Variants in ROBO2 observed in about 807,000 individuals in gnomAD.
The protein encoded by ROBO2 is roundabout guidance receptor 2, also known as roundabout homolog 2.
In ROBO2, 53 loss-of-function variants were observed where a neutral mutation model predicts 160.8. The ratio of observed to expected loss-of-function variants is 0.33; its 90% confidence interval spans 0.26 to 0.41. ROBO2 has a LOEUF of 0.41. ROBO2 is among the 10% of genes least tolerant of loss of function. The probability of loss-of-function intolerance (pLI) is 1.00; values close to 1 mark genes in which losing one functional copy is unlikely to be tolerated. For synonymous variants in ROBO2, 664 were observed against 611.7 expected, an observed-to-expected ratio of 1.09 and a Z score of -1.26; for missense variants, 1,577 against 1,722.4, an observed-to-expected ratio of 0.92 and a Z score of 1.49.
chr3:76,188,138 A>T (rs1411114237), intron 2 of ROBO2, among the ~76,000 whole-genome samples: 1 of 151,606 alleles, frequency 6.6e-6, no homozygotes, highest in Non-Finnish European at 1.5e-5. Flanking sequence ...TTTAGTTGTC[A>T]CATTCTCAGT....
intron 2 of ROBO2, among the ~76,000 whole-genome samples, chr3:77,227,947 AC>A (rs2086685384): frequency 6.6e-6 from 1 of 152,228 alleles, no homozygotes; most frequent in African/African-American, 2.4e-5. Context: ...AAAATTATAC[AC>A]AAATATTGCA....
intron 2 of ROBO2, among the ~76,000 whole-genome samples, chr3:77,164,903 C>G (rs865973752): frequency 2.2e-5 from 2 of 90,898 alleles, no homozygotes; most frequent in Non-Finnish European, 2.5e-5. Flanking sequence ...GTCAGCCCCC[C>G]GCCCGGCCAG....
chr3:76,978,631 G>T (rs2059926581), intron 2 of ROBO2, among the ~76,000 whole-genome samples: 2 of 151,962 alleles, frequency 1.3e-5, no homozygotes, highest in South Asian at 2.1e-4. Context: ...ACATTCTCCA[G>T]GCTCTGAAAA....
chr3:77,246,040 T>C (rs2089681109), intron 2 of ROBO2, among the ~76,000 whole-genome samples: 1 of 152,224 alleles, frequency 6.6e-6, no homozygotes, highest in Non-Finnish European at 1.5e-5. Flanking sequence ...GTAGATTGTT[T>C]AAATAACATG....
chr3:76,701,475 G>A (rs1484325596), intron 2 of ROBO2, among the ~76,000 whole-genome samples: 1 of 152,060 alleles, frequency 6.6e-6, no homozygotes, highest in Non-Finnish European at 1.5e-5. Context: ...TACTTGATCA[G>A]AAGAGAGGAA....
chr3:77,518,816 G>T (rs1256437291), intron 5 of ROBO2, among the ~76,000 whole-genome samples: 1 of 151,472 alleles, frequency 6.6e-6, no homozygotes, highest in South Asian at 2.1e-4. Context: ...GAACTATGCT[G>T]GGCACTGTTA....
chr3:77,542,408 A>C (rs1553653678), intron 6 of ROBO2, among the ~76,000 whole-genome samples: 1 of 152,194 alleles, frequency 6.6e-6, no homozygotes, highest in Non-Finnish European at 1.5e-5. Flanking sequence ...ATATGATTAG[A>C]TGATTTTAGT....
chr3:76,828,612 T>A (rs187897315), intron 2 of ROBO2, among the ~76,000 whole-genome samples: 444 of 152,266 alleles, frequency 2.9e-3, no homozygotes, highest in Non-Finnish European at 3.7e-3. Context: ...AGAGTCACTG[T>A]CCCATTATTA....
chr3:75,929,299 G>A (rs1185836840), intron 1 of ROBO2, among the ~76,000 whole-genome samples: 2 of 151,904 alleles, frequency 1.3e-5, no homozygotes, highest in African/African-American at 4.8e-5. Flanking sequence ...TTGGTTTAAG[G>A]AATTGTGAAG....
chr3:76,360,820 T>A (rs2075469799), intron 2 of ROBO2, among the ~76,000 whole-genome samples: 1 of 152,054 alleles, frequency 6.6e-6, no homozygotes, highest in Non-Finnish European at 1.5e-5. Context: ...CCCTTTCTCC[T>A]GTGTGGATGC....
chr3:76,261,693 C>G (rs1002109911), intron 2 of ROBO2, among the ~76,000 whole-genome samples: 2 of 151,776 alleles, frequency 1.3e-5, no homozygotes, highest in Non-Finnish European at 1.5e-5. Context: ...ATTAAATAAG[C>G]CCTCTCCTCA....
At chr3:77,099,071 C>CTTTTTTTTTTTT (rs750626067) in intron 2 of ROBO2, among the ~76,000 whole-genome samples, 14 of 121,254 alleles carry the variant, frequency 1.2e-4, no homozygotes, top group South Asian at 2.8e-4. Flanking sequence ...TTCTTTCTTT[C>CTTTTTTTTTTTT]TTTTTTTTTT....
rs555862802 is a variant in ROBO2, at chr3:77,061,073, C to T, written c.61+20227C>T. ...GCCTCAGACTCCTGAGTAGCTGGGA[C>T]GACAGGTGCAGGACATTTCCAGCTC... is the stretch of plus-strand genomic sequence containing the variant. On this transcript the variant is annotated intron_variant, in intron 1 of 25. Transcript: ENST00000461745. Among the ~76,000 whole-genome samples, 62 of 152,068 alleles carry T rather than the reference C, an allele frequency of 4.1e-4. 1 individual carries two copies. Among genetic ancestry groups the T allele is most frequent in the South Asian group, 1.2e-3 (6 of 4,808 alleles).
chr3:76,020,731 T>A (rs937688866), intron 2 of ROBO2, among the ~76,000 whole-genome samples: 9 of 151,896 alleles, frequency 5.9e-5, no homozygotes, highest in Non-Finnish European at 8.8e-5. Flanking sequence ...ATGCTTTCCA[T>A]GTTCTTCACT....
intron 2 of ROBO2, among the ~76,000 whole-genome samples, chr3:77,143,830 T>C (rs914973690): frequency 6.6e-6 from 1 of 152,118 alleles, no homozygotes; most frequent in African/African-American, 2.4e-5. Flanking sequence ...TTTTTTAGTA[T>C]TCTGGTGCCT....
chr3:75,942,956 C>A (rs77176135), intron 2 of ROBO2, among the ~76,000 whole-genome samples: 108 of 152,146 alleles, frequency 7.1e-4, no homozygotes, highest in Admixed American at 1.9e-3. Flanking sequence ...TAGTAAGAGA[C>A]GTGTATGCTG....
intron 2 of ROBO2, among the ~76,000 whole-genome samples, chr3:76,537,420 A>T (rs1045170719): frequency 1.3e-5 from 2 of 152,092 alleles, no homozygotes; most frequent in Non-Finnish European, 2.9e-5. Flanking sequence ...TTAAGGTCAG[A>T]TGTTAGTTGA....
chr3:77,533,610 G>A (rs572906518), intron 6 of ROBO2, among the ~76,000 whole-genome samples: 52 of 152,168 alleles, frequency 3.4e-4, no homozygotes, highest in Admixed American at 8.5e-4. Context: ...TTCAGCCTTC[G>A]CACATTGCTG....
rs3223397 is a variant in ROBO2, at chr3:76,538,151, TCACACACACA to T, written c.110-559839_110-559830del. ...CTTTGGCTCAGAGGCCTGACAGAACTCACACACACACACACACACACACACACACACACCA... is the reference window on the plus strand; with the variant it reads ...CTTTGGCTCAGAGGCCTGACAGAACTCACACACACACACACACACACACCA... On this transcript the variant is annotated intron_variant, in intron 2 of 26. Coordinates refer to the ROBO2 transcript ENST00000487694. Among the ~76,000 whole-genome samples the T allele has an allele frequency of 4.8e-4, 70 of 146,350 alleles. 1 individual carries two copies. The South Asian group carries it at 0.014, about 29-fold the overall frequency.
Sources: allele counts gnomAD v4.1 joint callset (sites outside exome capture counted in the v4.1 genomes callset), GRCh38; gene constraint gnomAD v4.1.1; transcripts MANE v1.5; gene names NCBI Gene and HGNC (gene_info 2026-07-23, HGNC 2026-07-21).